Variants in INO80 observed in about 807,000 individuals in gnomAD.
INO80 encodes the protein INO80 complex ATPase subunit, also known as chromatin-remodeling ATPase INO80.
A neutral mutation model predicts 203.4 loss-of-function variants in INO80; 20 were observed. The observed-to-expected ratio is 0.10, with a 90% CI of 0.07 to 0.14. INO80 has a LOEUF of 0.14. Ranked by LOEUF, INO80 falls within the 10% of genes least tolerant of loss-of-function variation. The pLI, the probability that INO80 is intolerant of heterozygous loss-of-function variation, is 1.00. For missense variants in INO80, 1,419 were observed against 1,914.4 expected (o/e 0.74, Z 4.83); for synonymous variants, 726 against 685.2 (o/e 1.06, Z -0.93).
chr15:41,034,328 C>T (rs1566920862), intron 24 of INO80, among the ~76,000 whole-genome samples: 1 of 152,104 alleles, frequency 6.6e-6, no homozygotes, highest in South Asian at 2.1e-4. Flanking sequence ...TGGATTCATT[C>T]CTTTCCCTGG....
At position 41,071,942 on chromosome 15, in the gene INO80, A is replaced by G; in HGVS notation, c.1512T>C (p.Ala504=). 2 of 1,614,146 alleles carry G rather than the reference A, an allele frequency of 1.2e-6. No homozygotes were observed. Among genetic ancestry groups the G allele is most frequent in the Non-Finnish European group, 1.7e-6 (2 of 1,180,002 alleles). ...SYSLANPSIR[A]GEDIPQPTIF... ...TTGTGGGCTGTGGAATATCCTCACC[A>G]GCCCGGATAGATGGGTTAGCCAGGC... The change falls in exon 12 of 36, where the codon GCT becomes GCC. Residue 504 remains alanine (A), a synonymous_variant. Coordinates refer to ENST00000648947, the MANE Select transcript of INO80 (RefSeq NM_017553.3).
intron 29 of INO80, among the ~76,000 whole-genome samples, chr15:40,990,664 C>T (rs2043804970): frequency 6.6e-6 from 1 of 152,190 alleles, no homozygotes; most frequent in Non-Finnish European, 1.5e-5. Context: ...GTGCACAATG[C>T]TTGTTGCCTC....
At chr15:41,044,811 C>T in intron 24 of INO80, 93 bp downstream of exon 24, 1 of 1,322,978 alleles carries the variant, frequency 7.6e-7, no homozygotes, top group Middle Eastern at 2.4e-4. Context: ...TTGGTTCTCT[C>T]AGGCCTTCAT....
Position 40,980,366 on chromosome 15 carries a change from C to T in INO80, c.4528G>A (p.Ala1510Thr), listed in dbSNP as rs768901282. The part of the protein sequence containing the change: ...AGLADFGPSS[A>T]SSPLSSPLSK... ...AAAGGGGAACTCAAAGGAGAAGAGGCGCTTGAAGGTCCAAAGTCAGCAAGG... is the reference window on the plus strand; with the variant it reads ...AAAGGGGAACTCAAAGGAGAAGAGGTGCTTGAAGGTCCAAAGTCAGCAAGG... The change falls in exon 36 of 36, where the codon GCC becomes ACC. Residue 1510 changes from alanine (A) to threonine (T), a missense_variant. By Grantham distance (58) the Ala-to-Thr change is moderately conservative (BLOSUM62 0). Coordinates refer to ENST00000648947, the MANE Select transcript of INO80 (RefSeq NM_017553.3). 9 of 1,613,990 alleles carry T rather than the reference C, an allele frequency of 5.6e-6. No individual in the cohort carries two copies. The highest frequency in any genetic ancestry group is 5.3e-5 in the African/African-American group (4 of 75,038).
chr15:41,084,561 AAATAAT>A (rs2045531578), intron 7 of INO80, among the ~76,000 whole-genome samples: 1 of 152,166 alleles, frequency 6.6e-6, no homozygotes, highest in African/African-American at 2.4e-5. Flanking sequence ...TCCATCTCAA[AAATAAT>A]AATAATAAAA....
chr15:40,998,270 C>A (rs1397422506), intron 28 of INO80, among the ~76,000 whole-genome samples: 1 of 152,020 alleles, frequency 6.6e-6, no homozygotes, highest in African/African-American at 2.4e-5. Context: ...ATCCGCCCGC[C>A]TCGGCCTCCC....
chr15:40,986,256 T>C (rs151236518), intron 31 of INO80, among the ~76,000 whole-genome samples: 13 of 152,126 alleles, frequency 8.5e-5, no homozygotes, highest in Admixed American at 5.2e-4. Flanking sequence ...GCAAGCTACA[T>C]TATTTGAAGC....
intron 1 of INO80, among the ~76,000 whole-genome samples, chr15:41,097,107 T>C (rs2045736985): frequency 6.6e-6 from 1 of 152,272 alleles, no homozygotes; most frequent in African/African-American, 2.4e-5. Context: ...TTTTGTTTTT[T>C]GAGACGGAGT....
At chr15:41,025,276 G>A (rs2044358326) in intron 25 of INO80, among the ~76,000 whole-genome samples, 1 of 152,242 alleles carries the variant, frequency 6.6e-6, no homozygotes, top group African/African-American at 2.4e-5. Flanking sequence ...GATGGGGCAT[G>A]CATGTGTGAG....
chr15:41,045,174 T>G (rs1333656697), intron 23 of INO80, 99 bp from the exon 24 acceptor site: 2 of 849,938 alleles, frequency 2.4e-6, no homozygotes, highest in Middle Eastern at 7.7e-4. Flanking sequence ...ATAACTCTTT[T>G]GTAAATCTTT....
At chr15:41,096,003 T>A (rs751377940) in intron 2 of INO80, 75 bp from the exon 3 acceptor site, 189 of 1,462,828 alleles carry the variant, frequency 1.3e-4, no homozygotes, top group South Asian at 1.8e-4. Flanking sequence ...CTGGACACTT[T>A]ACAGAAGAAA....
chr15:40,983,017 C>T lies in INO80; in HGVS notation c.4298G>A (p.Arg1433His), dbSNP rs780501405. The change falls in exon 35 of 36, where the codon CGC becomes CAC. Residue 1433 changes from arginine (R) to histidine (H), a missense_variant. Arg to His is a conservative substitution (Grantham distance 29, BLOSUM62 0). Around this residue, in one of 9 missense-constraint regions of INO80, gnomAD observed 214 missense variants for 248.9 expected, o/e 0.86. Transcript: ENST00000648947. ...GGCTGTGCTTCCTGAACCTTTGGGGCGGCCTCGGCTTCGGGCTGAGTGACC... is the reference window on the plus strand; with the variant it reads ...GGCTGTGCTTCCTGAACCTTTGGGGTGGCCTCGGCTTCGGGCTGAGTGACC... ...GRGHSARSRG[R>H]PKGSGSTAKG... The T allele has an allele frequency of 8.7e-6, 14 of 1,613,814 alleles. No individual in the cohort carries two copies. Among genetic ancestry groups the T allele is most frequent in the Admixed American group, 3.3e-5 (2 of 59,984 alleles).
chr15:41,100,144 G>A (rs765391825), intron 1 of INO80, among the ~76,000 whole-genome samples: 2 of 151,588 alleles, frequency 1.3e-5, no homozygotes, highest in East Asian at 1.9e-4. Flanking sequence ...GCCCAATCTC[G>A]GCTCACTGCA....
At chr15:40,981,094 T>G (rs983070781) in intron 35 of INO80, among the ~76,000 whole-genome samples, 12 of 152,244 alleles carry the variant, frequency 7.9e-5, no homozygotes, top group Admixed American at 3.3e-4. Flanking sequence ...ACATTGATTC[T>G]TCAATTGTTT....
At chr15:40,980,610 CTG>C (rs1893791149) in intron 35 of INO80, among the ~76,000 whole-genome samples, 170 bp from the exon 36 acceptor site, 1 of 152,192 alleles carries the variant, frequency 6.6e-6, no homozygotes, top group Admixed American at 6.5e-5. Flanking sequence ...TTCCTGTCAA[CTG>C]TCTTTTCAGT....
chr15:41,061,669 A>C (rs1196246733), intron 14 of INO80, among the ~76,000 whole-genome samples: 1 of 151,876 alleles, frequency 6.6e-6, no homozygotes, highest in Non-Finnish European at 1.5e-5. Flanking sequence ...AATGAAAAAT[A>C]CTTTAAAAAA....
In INO80 at chr15:40,991,780, CTTTT is replaced by C. The variant is rs889459469; in HGVS notation, c.3571-3810_3571-3807del. On this transcript the variant is annotated intron_variant, in intron 29 of 35. Transcript: ENST00000648947. ...AGATTTAAAACAGGAAAATTTCTTT[CTTTT>C]TTTTTTTGAGATGGAGTCTTGCTCT... 2.1e-5 allele frequency among the ~76,000 whole-genome samples: 3 copies of C among 146,020 alleles called. No homozygotes were observed. In the Admixed American group the frequency reaches 2.1e-4, roughly 10 times the overall value.
intron 7 of INO80, among the ~76,000 whole-genome samples, chr15:41,082,729 A>G (rs2045503818): frequency 6.6e-6 from 1 of 152,040 alleles, no homozygotes. Flanking sequence ...AATTAAATAA[A>G]CAGAATTAGC....
intron 24 of INO80, among the ~76,000 whole-genome samples, chr15:41,032,385 T>A (rs1192357884): frequency 6.6e-6 from 1 of 152,108 alleles, no homozygotes; most frequent in Non-Finnish European, 1.5e-5. Context: ...ATTTTAAGCA[T>A]CCAAACAAAA....
Sources: allele counts gnomAD v4.1 joint callset (sites outside exome capture counted in the v4.1 genomes callset), GRCh38; gene constraint gnomAD v4.1.1; regional missense constraint gnomAD v4.1.1; transcripts MANE v1.5; gene names NCBI Gene and HGNC (gene_info 2026-07-23, HGNC 2026-07-21).